The following CYP4F12 variants were observed in gnomAD, a reference collection of about 807,000 sequenced individuals.
The protein encoded by CYP4F12 is cytochrome P450 4F12.
Under a neutral mutation model 56.5 loss-of-function variants are expected in CYP4F12, and 60 were observed. That is an observed-to-expected ratio of 1.06 (90% CI 0.86 to 1.32). The LOEUF is 1.32. Among genes scored for constraint, CYP4F12 ranks in the 40% most tolerant of loss-of-function variants. The pLI, the probability that CYP4F12 is intolerant of heterozygous loss-of-function variation, is 0.00. For synonymous variants in CYP4F12, 263 were observed against 264.9 expected (o/e 0.99, Z 0.07); for missense variants, 711 against 683.5 (o/e 1.04, Z -0.45).
intron 3 of CYP4F12, among the ~76,000 whole-genome samples, chr19:15,678,859 C>T (rs2007130337): frequency 6.6e-6 from 1 of 152,166 alleles, no homozygotes; most frequent in South Asian, 2.1e-4. Context: ...AGTCCTTGCA[C>T]CAGCCTTGCC....
At chr19:15,685,385 G>A (rs575420873) in intron 9 of CYP4F12, among the ~76,000 whole-genome samples, 188 bp downstream of exon 9, 6 of 152,274 alleles carry the variant, frequency 3.9e-5, no homozygotes, top group South Asian at 2.1e-4. Context: ...CTTTAGGACC[G>A]AAAGACCCGG....
At chr19:15,676,305 TC>T (rs2006915715) in intron 2 of CYP4F12, among the ~76,000 whole-genome samples, 1 of 151,424 alleles carries the variant, frequency 6.6e-6, no homozygotes. Context: ...ACTTACTCAT[TC>T]CTGTGCCCAT....
rs746705007 is a variant in CYP4F12 at position 15,680,535 on chromosome 19, T to C, written c.525+16T>C. 2 of 1,614,014 alleles carry C rather than the reference T, an allele frequency of 1.2e-6. No individual in the cohort carries two copies. The highest frequency in any genetic ancestry group is 2.2e-5 in the South Asian group (2 of 91,062). On this transcript the variant is annotated intron_variant, in intron 5 of 12. Transcript: ENST00000550308. ...CATCATGCTTGTGAGTCCCTTGAAG[T>C]CTGGGTCCCAGATGGAGTCTTGGGG...
chr19:15,696,237 C>T lies in CYP4F12; in HGVS notation c.1314+12C>T, dbSNP rs1289459851. ...GGCCGGATCCTGAGGTGCTGCCTTC[C>T]CCATTCACCACCACCACCCCCATCC... On this transcript the variant is annotated intron_variant, in intron 11 of 12. Coordinates refer to ENST00000550308, the MANE Select transcript of CYP4F12 (RefSeq NM_023944.4). 6.2e-7 allele frequency: 1 copy of T among 1,614,028 alleles called. No homozygotes were observed. Among genetic ancestry groups the T allele is most frequent in the Non-Finnish European group, 8.5e-7 (1 of 1,179,984 alleles).
chr19:15,696,848 G>T, intron 12 of CYP4F12, 60 bp from the exon 13 acceptor site: 2 of 1,548,280 alleles, frequency 1.3e-6, no homozygotes. Context: ...CAGGTTCCTG[G>T]GTTGATGGGA....
At chr19:15,690,394 T>C (rs1175021037) in intron 9 of CYP4F12, among the ~76,000 whole-genome samples, 1 of 152,232 alleles carries the variant, frequency 6.6e-6, no homozygotes, top group Non-Finnish European at 1.5e-5. Context: ...TATTATTAAC[T>C]GTAGTCACCA....
intron 2 of CYP4F12, 24 bp downstream of exon 2, chr19:15,673,751 C>A: frequency 1.2e-6 from 2 of 1,612,124 alleles, no homozygotes; most frequent in Non-Finnish European, 1.7e-6. Flanking sequence ...CAAAATGTGT[C>A]TGGGGTCTCA....
intron 1 of CYP4F12, 168 bp downstream of exon 1, chr19:15,673,303 A>AGGTCCTCACCCT: frequency 1.7e-6 from 1 of 585,392 alleles, no homozygotes; most frequent in Non-Finnish European, 3.1e-6. Flanking sequence ...CTGGACTCTA[A>AGGTCCTCACCCT]TCGGCCCATC....
chr19:15,677,091 C>A (rs1252155904), intron 2 of CYP4F12, among the ~76,000 whole-genome samples: 4 of 113,492 alleles, frequency 3.5e-5, no homozygotes, highest in Admixed American at 9.0e-5. Context: ...TCATTCCTCT[C>A]CTCACTCACT....
intron 9 of CYP4F12, among the ~76,000 whole-genome samples, chr19:15,685,719 G>A (rs749760725): frequency 2.6e-5 from 4 of 152,128 alleles, no homozygotes; most frequent in Non-Finnish European, 5.9e-5. Flanking sequence ...GAAGGCAGAC[G>A]ATGACATCTA....
chr19:15,679,247 C>A (rs1432683675), intron 3 of CYP4F12, among the ~76,000 whole-genome samples: 1 of 152,176 alleles, frequency 6.6e-6, no homozygotes, highest in Non-Finnish European at 1.5e-5. Context: ...GTGCTCTAAG[C>A]AAATAAAGAG....
rs1599935067 is a variant in CYP4F12, at chr19:15,673,693, C to T, written c.164C>T (p.Pro55Leu). The T allele has an allele frequency of 6.2e-7, 1 of 1,614,112 alleles. No homozygotes were observed. Among genetic ancestry groups the T allele is most frequent in the Non-Finnish European group, 8.5e-7 (1 of 1,180,008 alleles). Reference protein sequence around the residue: ...CRRLQCFPQPPKRNWFWGHLG... With the variant: ...CRRLQCFPQPLKRNWFWGHLG... ...CGGCTCCAGTGTTTCCCACAGCCCC[C>T]AAAACGGAACTGGTTTTGGGGTCAC... Residue 55 changes from proline (P) to leucine (L), a missense_variant, in exon 2 of 13, where the codon CCA (proline) becomes CTA (leucine). Transcript: ENST00000550308.
intron 2 of CYP4F12, among the ~76,000 whole-genome samples, chr19:15,677,154 C>G (rs2144710195): frequency 8.6e-6 from 1 of 116,786 alleles, no homozygotes; most frequent in African/African-American, 3.2e-5. Context: ...TTCCTCTACC[C>G]ACACTCATTC....
At chr19:15,690,448 T>A (rs2007818867) in intron 9 of CYP4F12, among the ~76,000 whole-genome samples, 1 of 152,204 alleles carries the variant, frequency 6.6e-6, no homozygotes, top group Admixed American at 6.5e-5. Context: ...AACGGAAACT[T>A]GTACCCTTTG....
intron 9 of CYP4F12, among the ~76,000 whole-genome samples, chr19:15,690,782 G>C (rs2007833928): frequency 6.6e-6 from 1 of 152,190 alleles, no homozygotes; most frequent in South Asian, 2.1e-4. Context: ...ATCACAGATA[G>C]ACAAGGGTTA....
At chr19:15,692,553 G>C (rs2007920732) in intron 9 of CYP4F12, among the ~76,000 whole-genome samples, 1 of 152,114 alleles carries the variant, frequency 6.6e-6, no homozygotes, top group Admixed American at 6.5e-5. Context: ...AGATAATTAA[G>C]TAAAAGCTCT....
At chr19:15,686,130 G>A (rs1193528333) in intron 9 of CYP4F12, among the ~76,000 whole-genome samples, 1 of 152,202 alleles carries the variant, frequency 6.6e-6, no homozygotes, top group African/African-American at 2.4e-5. Flanking sequence ...AGCAAGAGAA[G>A]CATGGCTGGG....
Position 15,678,421 on chromosome 19 carries a change from T to A in CYP4F12, c.343+16T>A. On this transcript the variant is annotated intron_variant, in intron 3 of 12. Coordinates refer to ENST00000550308, the MANE Select transcript of CYP4F12 (RefSeq NM_023944.4). ...AATGCCTCAGGTACCCATGCAGAGCTTGTGGTGGTGGGTGCCAGACCAAGC... is the reference window on the plus strand; with the variant it reads ...AATGCCTCAGGTACCCATGCAGAGCATGTGGTGGTGGGTGCCAGACCAAGC... 1 of 1,613,958 alleles carries A rather than the reference T, an allele frequency of 6.2e-7. No homozygotes were observed. The highest frequency in any genetic ancestry group is 1.3e-5 in the African/African-American group (1 of 75,020).
intron 1 of CYP4F12, 59 bp downstream of exon 1, chr19:15,673,194 C>A: frequency 2.0e-6 from 1 of 492,634 alleles, no homozygotes; most frequent in Non-Finnish European, 4.0e-6. Flanking sequence ...GAGGGGACTG[C>A]CTAAGGCTGG....
Sources: gnomAD v4.1 joint callset for allele counts (sites outside exome capture counted in the v4.1 genomes callset) on GRCh38, gnomAD v4.1.1 for gene constraint, MANE v1.5 for transcripts, NCBI Gene and HGNC (gene_info 2026-07-23, HGNC 2026-07-21) for gene names.